The following ESF1 variants were observed in gnomAD, a reference collection of about 807,000 sequenced individuals.
ESF1 encodes the protein ESF1 nucleolar pre-rRNA processing protein.
Under a neutral mutation model 92.0 loss-of-function variants are expected in ESF1, and 58 were observed. The observed-to-expected ratio is 0.63, with a 90% CI of 0.51 to 0.78. The LOEUF is 0.78. Among genes scored for constraint, ESF1 ranks in the 30% least tolerant of loss-of-function variants. The pLI is 0.00. For synonymous variants in ESF1, 321 were observed against 313.7 expected, an observed-to-expected ratio of 1.02 and a Z score of -0.24; for missense variants, 922 against 989.1, an observed-to-expected ratio of 0.93 and a Z score of 0.91.
At chr20:13,758,810 AT>A (rs954202455) in intron 9 of ESF1, among the ~76,000 whole-genome samples, 16 of 152,286 alleles carry the variant, frequency 1.1e-4, no homozygotes, top group Admixed American at 1.0e-3. Flanking sequence ...GTCCCTGATG[AT>A]TTGCCCAACA....
intron 9 of ESF1, among the ~76,000 whole-genome samples, chr20:13,737,231 A>G (rs969202148): frequency 7.9e-5 from 12 of 152,220 alleles, no homozygotes; most frequent in African/African-American, 2.2e-4. Context: ...AATCCTACAA[A>G]TAAGGGGCAA....
chr20:13,772,721 A>C (rs925131682), intron 4 of ESF1, 106 bp from the exon 5 acceptor site: 4 of 759,080 alleles, frequency 5.3e-6, no homozygotes, highest in Non-Finnish European at 4.5e-6. Context: ...ACTCAATGAA[A>C]ACAGTAAGGG....
intron 8 of ESF1, among the ~76,000 whole-genome samples, chr20:13,764,586 T>C (rs1979345910): frequency 6.6e-6 from 1 of 152,158 alleles, no homozygotes; most frequent in Admixed American, 6.5e-5. Flanking sequence ...AATAATACAG[T>C]CAGTTAACAC....
Position 13,783,124 on chromosome 20 carries a change from T to G in ESF1, c.17A>C (p.Glu6Ala). 1 of 1,598,172 alleles carries G rather than the reference T, an allele frequency of 6.3e-7. No homozygotes were observed. Among genetic ancestry groups the G allele is most frequent in the Non-Finnish European group, 8.6e-7 (1 of 1,168,758 alleles). MSSKQ[E>A]IMSDQRFRRV... ...TCTAAACCGCTGGTCACTCATTATT[T>G]CTTGTTTGGATGACATTTTTAATTC... The change falls in exon 2 of 14, where the codon GAA (glutamate) becomes GCA (alanine). Residue 6 changes from glutamate (E) to alanine (A), a missense_variant. Glu to Ala is a moderately radical substitution (Grantham distance 107, BLOSUM62 -1). Coordinates refer to ENST00000617257, the MANE Select transcript of ESF1 (RefSeq NM_001276380.2).
intron 2 of ESF1, among the ~76,000 whole-genome samples, chr20:13,778,818 G>A (rs1980056582): frequency 1.3e-5 from 2 of 152,144 alleles, no homozygotes; most frequent in African/African-American, 4.8e-5. Context: ...AGGCCAAGAT[G>A]GGAGGATCTT....
chr20:13,716,793 A>C (rs1600261608), intron 13 of ESF1, among the ~76,000 whole-genome samples: 1 of 114,504 alleles, frequency 8.7e-6, no homozygotes, highest in African/African-American at 3.1e-5. Flanking sequence ...GGTGTGCGCC[A>C]CTATACCTGG....
At chr20:13,784,435 C>A (rs140029178) in intron 1 of ESF1, among the ~76,000 whole-genome samples, 14 of 152,292 alleles carry the variant, frequency 9.2e-5, no homozygotes, top group African/African-American at 3.4e-4. Context: ...AGCAATCTTA[C>A]GAGGTAGGTA....
At chr20:13,759,470 C>T (rs535898056) in intron 9 of ESF1, among the ~76,000 whole-genome samples, 1 of 152,220 alleles carries the variant, frequency 6.6e-6, no homozygotes, top group African/African-American at 2.4e-5. Context: ...GGAAAAGCTA[C>T]TCTGATAAAT....
At chr20:13,734,954 C>A (rs1391433506) in intron 9 of ESF1, among the ~76,000 whole-genome samples, 1 of 152,046 alleles carries the variant, frequency 6.6e-6, no homozygotes, top group Non-Finnish European at 1.5e-5. Flanking sequence ...AATTCCTGGT[C>A]ATCCTCTCTT....
chr20:13,761,227 A>C (rs1299264745), intron 8 of ESF1, among the ~76,000 whole-genome samples: 1 of 152,090 alleles, frequency 6.6e-6, no homozygotes. Flanking sequence ...TCAAGTACCC[A>C]GGGACACAAA....
chr20:13,759,867 A>T lies in ESF1; in HGVS notation c.1667-14T>A, dbSNP rs1979079252. ...CTCCATCATCACCTAATGAAAAAAA[A>T]ATTCACTTAATACACAGAAACAATT... On this transcript the variant is annotated splice_polypyrimidine_tract_variant and intron_variant, in intron 8 of 13. Transcript: ENST00000617257. 1 of 1,576,894 alleles carries T rather than the reference A, an allele frequency of 6.3e-7. No homozygotes were observed. Among genetic ancestry groups the T allele is most frequent in the South Asian group, 1.2e-5 (1 of 85,166 alleles).
intron 9 of ESF1, among the ~76,000 whole-genome samples, chr20:13,752,694 T>C (rs1340394399): frequency 2.6e-5 from 4 of 152,192 alleles, no homozygotes; most frequent in Non-Finnish European, 5.9e-5. Context: ...TGGCCACATA[T>C]GCATGTCACT....
At chr20:13,774,555 T>C (rs1979838244) in intron 4 of ESF1, among the ~76,000 whole-genome samples, 1 of 152,214 alleles carries the variant, frequency 6.6e-6, no homozygotes, top group Non-Finnish European at 1.5e-5. Context: ...ATACTATTGT[T>C]ATATCCATTT....
intron 9 of ESF1, among the ~76,000 whole-genome samples, chr20:13,745,094 A>G (rs2147744424): frequency 6.6e-6 from 1 of 152,384 alleles, no homozygotes; most frequent in South Asian, 2.1e-4. Flanking sequence ...GCAAAAATGA[A>G]AAAGCCTGAT....
chr20:13,747,495 G>A lies in ESF1; in HGVS notation c.1828+12197C>T, dbSNP rs1052484944. ...CAGGAGAACTGCTTGAACCCGGGAG[G>A]TGGAGGTTGCAGTGAGCCGAGATGG... On this transcript the variant is annotated intron_variant, in intron 9 of 13. Transcript: ENST00000617257. 2.6e-5 allele frequency among the ~76,000 whole-genome samples: 4 copies of A among 151,536 alleles called. No homozygotes were observed. In the East Asian group the frequency reaches 5.9e-4, roughly 22 times the overall value.
At chr20:13,721,895 T>A (rs1421906162) in intron 11 of ESF1, among the ~76,000 whole-genome samples, 1 of 152,152 alleles carries the variant, frequency 6.6e-6, no homozygotes, top group East Asian at 1.9e-4. Flanking sequence ...AAGAGTATAA[T>A]CTTTCTCTGT....
Position 13,757,769 on chromosome 20 carries a change from T to C in ESF1, c.1828+1923A>G, listed in dbSNP as rs1303007461. On this transcript the variant is annotated intron_variant, in intron 9 of 13. Transcript: ENST00000617257. The stretch of plus-strand genomic sequence containing the variant: ...ACTTAGTGTGGGAACCTGTATCATA[T>C]ATCTGTACCTTACAACTGGCATTAT... Among the ~76,000 whole-genome samples the C allele has an allele frequency of 3.9e-5, 6 of 152,230 alleles. No homozygotes were observed. The East Asian group carries it at 9.6e-4, about 24-fold the overall frequency.
intron 7 of ESF1, among the ~76,000 whole-genome samples, chr20:13,768,471 A>G (rs565606490): frequency 6.6e-6 from 1 of 152,162 alleles, no homozygotes; most frequent in Non-Finnish European, 1.5e-5. Context: ...AATCCCAGCT[A>G]CTCAGGAGGC....
Position 13,766,773 on chromosome 20 carries a change from A to G in ESF1, c.1666+4T>C. 1.2e-6 allele frequency: 2 copies of G among 1,612,674 alleles called. 1 individual carries two copies. On this transcript the variant is annotated splice_donor_region_variant and intron_variant, in intron 8 of 13. Transcript: ENST00000617257. ...ATTAATGGTCACTGAAAGATTAACAATACCTTGTAGCTCCTCTTCTATCTC... is the reference window on the plus strand; with the variant it reads ...ATTAATGGTCACTGAAAGATTAACAGTACCTTGTAGCTCCTCTTCTATCTC...
Sources: allele counts gnomAD v4.1 joint callset (sites outside exome capture counted in the v4.1 genomes callset), GRCh38; gene constraint gnomAD v4.1.1; transcripts MANE v1.5; gene names NCBI Gene and HGNC (gene_info 2026-07-23, HGNC 2026-07-21).